The following KLHL29 variants were observed in gnomAD, a reference collection of about 807,000 sequenced individuals.
KLHL29 encodes the protein kelch-like protein 29.
KLHL29 carries 21 observed loss-of-function variants against 80.4 expected under a neutral mutation model. The ratio of observed to expected loss-of-function variants is 0.26; its 90% CI spans 0.19 to 0.38. KLHL29 has a LOEUF of 0.38. KLHL29 is among the 10% of genes least tolerant of loss of function. The probability of loss-of-function intolerance (pLI) is 1.00; values close to 1 mark genes in which losing one functional copy is unlikely to be tolerated. For missense variants in KLHL29, 867 were observed against 1,223.9 expected, an observed-to-expected ratio of 0.71 and a Z score of 4.35; for synonymous variants, 511 against 526.8, an observed-to-expected ratio of 0.97 and a Z score of 0.41.
chr2:23,396,237 T>C (rs796085906), intron 1 of KLHL29, among the ~76,000 whole-genome samples: 1 of 152,182 alleles, frequency 6.6e-6, no homozygotes, highest in African/African-American at 2.4e-5. Flanking sequence ...TAAGGAGGGC[T>C]GCATCCCCTG....
chr2:23,661,041 AAGAG>A (rs542195291), intron 5 of KLHL29, among the ~76,000 whole-genome samples: 379 of 149,410 alleles, frequency 2.5e-3, no homozygotes, highest in Non-Finnish European at 3.5e-3. Flanking sequence ...CAGAAAAAAA[AAGAG>A]AGAGAGAGAG....
At chr2:23,498,211 T>C (rs961572933) in intron 2 of KLHL29, among the ~76,000 whole-genome samples, 5 of 152,228 alleles carry the variant, frequency 3.3e-5, no homozygotes, top group African/African-American at 1.2e-4. Flanking sequence ...TTGTTTGTTT[T>C]GGATGTAGAA....
At chr2:23,454,956 G>A (rs781365151) in intron 1 of KLHL29, among the ~76,000 whole-genome samples, 1 of 143,150 alleles carries the variant, frequency 7.0e-6, no homozygotes, top group Admixed American at 7.0e-5. Flanking sequence ...AGGGCTAAGG[G>A]CTGTCAGCTG....
At chr2:23,550,484 C>G (rs1667095485) in intron 2 of KLHL29, among the ~76,000 whole-genome samples, 1 of 152,204 alleles carries the variant, frequency 6.6e-6, no homozygotes, top group Admixed American at 6.5e-5. Flanking sequence ...TTTGCATTCA[C>G]TCCGGACAGG....
chr2:23,581,721 G>C (rs1325298333), intron 3 of KLHL29, among the ~76,000 whole-genome samples: 2 of 150,960 alleles, frequency 1.3e-5, no homozygotes, highest in South Asian at 4.2e-4. Flanking sequence ...CCAGCTACTT[G>C]GGAGGCTGAG....
intron 3 of KLHL29, among the ~76,000 whole-genome samples, chr2:23,586,567 G>A (rs932529527): frequency 5.3e-5 from 8 of 151,744 alleles, no homozygotes; most frequent in Non-Finnish European, 8.8e-5. Flanking sequence ...CACCATGTTG[G>A]CCAAGCTGGT....
rs540695011 is a variant in KLHL29, at chr2:23,477,606, GCA to G, written c.-46+1943_-46+1944del. Among the ~76,000 whole-genome samples the G allele has an allele frequency of 3.7e-4, 57 of 152,352 alleles. 2 individuals carry two copies. The East Asian group carries it at 9.4e-3, about 25-fold the overall frequency. On this transcript the variant is annotated intron_variant, in intron 2 of 13. Transcript: ENST00000486442. ...GACCTAGGGAGCTGGTGGGCTGTTG[GCA>G]CACGCCCATGGCACCACTGGTGGGC...
intron 2 of KLHL29, among the ~76,000 whole-genome samples, chr2:23,530,242 C>T (rs1242984546): frequency 6.6e-6 from 1 of 152,226 alleles, no homozygotes; most frequent in East Asian, 1.9e-4. Context: ...TTATCCTCTT[C>T]TGGCCTTGCC....
Position 23,642,860 on chromosome 2 carries a change from G to A in KLHL29, c.940+10G>A. On this transcript the variant is annotated intron_variant, in intron 5 of 13. Transcript: ENST00000486442. Reference sequence around the variant, plus strand: ...CCGGGGCACCCCAGAGGTAAGTCCTGCTGCCACGTGCCTCCCCACGGGCCT... The same window carrying A: ...CCGGGGCACCCCAGAGGTAAGTCCTACTGCCACGTGCCTCCCCACGGGCCT... 1.3e-6 allele frequency: 2 copies of A among 1,550,252 alleles called. No homozygotes were observed. Among genetic ancestry groups the A allele is most frequent in the African/African-American group, 1.4e-5 (1 of 73,114 alleles).
intron 13 of KLHL29, 130 bp from the exon 14 acceptor site, chr2:23,706,351 G>A (rs1471871610): frequency 1.4e-5 from 9 of 643,116 alleles, no homozygotes; most frequent in Non-Finnish European, 2.1e-5. Context: ...GGCAAAGAAG[G>A]GCAGCAAGAT....
At chr2:23,675,446 C>T (rs1042715174) in intron 5 of KLHL29, among the ~76,000 whole-genome samples, 1 of 152,166 alleles carries the variant, frequency 6.6e-6, no homozygotes, top group African/African-American at 2.4e-5. Flanking sequence ...AGACTGTACC[C>T]CTTGACTCCT....
chr2:23,457,070 A>T lies in KLHL29; in HGVS notation c.-153-18490A>T, dbSNP rs1664075554. Among the ~76,000 whole-genome samples, 1 of 152,218 alleles carries T rather than the reference A, an allele frequency of 6.6e-6. No homozygotes were observed. Among genetic ancestry groups the T allele is most frequent in the Admixed American group, 6.5e-5 (1 of 15,284 alleles). ...GGCCTTCCGAGGCCCCTCCCCAGGC[A>T]TCTGCTGAGACCCTCCCTTGTGCCA... On this transcript the variant is annotated intron_variant, in intron 1 of 13. Transcript: ENST00000486442. This position sits in a 1 kb window ranked among gnomAD's most constrained non-coding sequence, Gnocchi z 4.3.
At chr2:23,642,076 T>TCCTTCTCTCTGCTCTGCTG (rs1357059845) in intron 4 of KLHL29, among the ~76,000 whole-genome samples, 1 of 152,148 alleles carries the variant, frequency 6.6e-6, no homozygotes, top group African/African-American at 2.4e-5. Context: ...GGGCTCTGCT[T>TCCTTCTCTCTGCTCTGCTG]CCTTCTCTCT....
At chr2:23,437,131 G>C (rs1663367953) in intron 1 of KLHL29, among the ~76,000 whole-genome samples, 1 of 152,218 alleles carries the variant, frequency 6.6e-6, no homozygotes, top group South Asian at 2.1e-4. Flanking sequence ...TGTGGGCAAA[G>C]TGTACTAAGC....
rs76249735 is a variant in KLHL29, at chr2:23,596,857, T to G, written c.285+34376T>G. On this transcript the variant is annotated intron_variant, in intron 3 of 13. Transcript: ENST00000486442. This position sits in a 1 kb window ranked among gnomAD's most constrained non-coding sequence, Gnocchi z 4.4. ...TTACCCATTTTTCAGATTTTCCTCC[T>G]TCTTACTCATGGCACTCATGTAAGT... is the stretch of plus-strand genomic sequence containing the variant. 0.018 allele frequency among the ~76,000 whole-genome samples: 2,790 copies of G among 152,260 alleles called. 79 individuals carry two copies. The highest frequency in any genetic ancestry group is 0.063 in the African/African-American group (2,613 of 41,542).
intron 1 of KLHL29, among the ~76,000 whole-genome samples, chr2:23,438,788 T>C (rs1216385892): frequency 2.0e-5 from 3 of 152,250 alleles, no homozygotes; most frequent in East Asian, 1.9e-4. Flanking sequence ...GGTTGTGTCT[T>C]TGCCAGGCTT....
chr2:23,512,054 T>A (rs1170844097), intron 2 of KLHL29, among the ~76,000 whole-genome samples: 1 of 152,180 alleles, frequency 6.6e-6, no homozygotes, highest in Non-Finnish European at 1.5e-5. Flanking sequence ...GAACCCGCAG[T>A]GGATGCAGCA....
chr2:23,625,242 G>T (rs1007146115), intron 3 of KLHL29, among the ~76,000 whole-genome samples: 5 of 152,194 alleles, frequency 3.3e-5, no homozygotes, highest in Admixed American at 6.5e-5. Context: ...AGGACACGGG[G>T]TATAACTCAC....
chr2:23,386,203 G>A (rs1452904760), intron 1 of KLHL29, among the ~76,000 whole-genome samples: 1 of 152,084 alleles, frequency 6.6e-6, no homozygotes, highest in Non-Finnish European at 1.5e-5. Flanking sequence ...ACCTGGAGGC[G>A]ACGGAGGGCT....
Sources: gnomAD v4.1 joint callset for allele counts (sites outside exome capture counted in the v4.1 genomes callset) on GRCh38, gnomAD v4.1.1 for gene constraint, Gnocchi (gnomAD v3.1) non-coding constraint, MANE v1.5 for transcripts, NCBI Gene and HGNC (gene_info 2026-07-23, HGNC 2026-07-21) for gene names.